CCNF: variants seen among roughly 807,000 people sequenced by gnomAD.
The protein encoded by CCNF is cyclin-F.
Under a neutral mutation model 85.4 loss-of-function variants are expected in CCNF, and 30 were observed. The observed-to-expected ratio is 0.35, with a 90% CI of 0.26 to 0.48. The LOEUF (loss-of-function observed/expected upper bound fraction) is 0.48, where lower values mean the gene tolerates loss of function less well. Among genes scored for constraint, CCNF ranks in the 20% least tolerant of loss-of-function variants. The pLI, the probability that CCNF is intolerant of heterozygous loss-of-function variation, is 0.99. For synonymous variants in CCNF, 439 were observed against 425.1 expected (o/e 1.03, Z -0.40); for missense variants, 919 against 1,010.4 (o/e 0.91, Z 1.23).
chr16:2,444,602 CTTTTT>C (rs879408225), intron 9 of CCNF, among the ~76,000 whole-genome samples: 1 of 134,472 alleles, frequency 7.4e-6, no homozygotes, highest in Non-Finnish European at 1.6e-5. Flanking sequence ...GCCCAGCCAC[CTTTTT>C]TTTTTTTGAG....
In CCNF at chr16:2,456,643, G is replaced by A. The variant is rs200166258; in HGVS notation, c.1984G>A (p.Asp662Asn). ...CAGTGATGAGGAGGCTTGTCCAGAG[G>A]ACAAGGGACCCCAGGACCCACAGGC... ...ESSDEEACPE[D>N]KGPQDPQALA... The change falls in exon 17 of 17, where the codon GAC becomes AAC. Residue 662 changes from aspartate (D) to asparagine (N), a missense_variant. Physicochemically the swap from Asp to Asn is conservative, Grantham distance 23. Transcript: ENST00000397066. The surrounding 1 kb of genome is among the most constrained non-coding windows in gnomAD (Gnocchi z 4.5). 4 of 1,612,930 alleles carry A rather than the reference G, an allele frequency of 2.5e-6. No individual in the cohort carries two copies. The highest frequency in any genetic ancestry group is 1.7e-5 in the Admixed American group (1 of 59,892).
At position 2,452,967 on chromosome 16, in the gene CCNF, T is replaced by G; in HGVS notation, c.1488-243T>G. 1.8e-6 allele frequency: 1 copy of G among 570,962 alleles called. No individual in the cohort carries two copies. The highest frequency in any genetic ancestry group is 3.1e-6 in the Non-Finnish European group (1 of 318,422). The allele number at this position is 570,962 out of a possible 1,614,324, so 35.4% of individuals were successfully genotyped here. A position where few individuals can be genotyped will look rare whatever the true frequency, so the allele number is the denominator to read the frequency against. On this transcript the variant is annotated intron_variant, in intron 13 of 16. Transcript: ENST00000397066. The surrounding 1 kb of genome is among the most constrained non-coding windows in gnomAD (Gnocchi z 4.1). ...TGGACATTTTGCCTATTGTGAACAGTCCTGCCATGAACATTCTAGTACAGG... is the reference window on the plus strand; with the variant it reads ...TGGACATTTTGCCTATTGTGAACAGGCCTGCCATGAACATTCTAGTACAGG...
chr16:2,445,724 G>GTTTTTT, intron 10 of CCNF, 102 bp downstream of exon 10: 2 of 782,930 alleles, frequency 2.6e-6, no homozygotes, highest in Non-Finnish European at 3.5e-6. Context: ...GTTTTGTTTT[G>GTTTTTT]TGTTGTTTTT....
rs781744926 is a variant in CCNF at position 2,453,392 on chromosome 16, ACT to A, written c.1588-15_1588-14del. The A allele has an allele frequency of 3.1e-6, 5 of 1,613,672 alleles. No individual in the cohort carries two copies. In the East Asian group the frequency reaches 8.9e-5, roughly 29 times the overall value. ...ACCCTCGGGGCCTCTGCACCCCCTA[ACT>A]CTAGCTTCCCCTCAGGTGCTGAGCT... On this transcript the variant is annotated splice_polypyrimidine_tract_variant and intron_variant, in intron 14 of 16. Coordinates refer to ENST00000397066, the MANE Select transcript of CCNF (RefSeq NM_001761.3). The surrounding 1 kb of genome is among the most constrained non-coding windows in gnomAD (Gnocchi z 5.6).
intron 15 of CCNF, among the ~76,000 whole-genome samples, chr16:2,454,558 C>T (rs140822341): frequency 5.9e-5 from 9 of 152,220 alleles, no homozygotes; most frequent in East Asian, 1.9e-4. Flanking sequence ...CTCCACCCCC[C>T]GCCCTCCACC....
At chr16:2,435,541 C>T (rs1020306977) in intron 3 of CCNF, among the ~76,000 whole-genome samples, 1 of 151,196 alleles carries the variant, frequency 6.6e-6, no homozygotes, top group Non-Finnish European at 1.5e-5. Flanking sequence ...GCTGTGATCG[C>T]ACCACTGCAC....
chr16:2,452,447 A>C lies in CCNF; in HGVS notation c.1488-763A>C, dbSNP rs1187777116. The C allele has an allele frequency of 6.6e-6, 1 of 152,290 alleles. No individual in the cohort carries two copies. The highest frequency in any genetic ancestry group is 1.5e-5 in the Non-Finnish European group (1 of 68,104). 9.4% of individuals were successfully genotyped at this position (152,290 alleles called of 1,614,324 possible). ...CCACCCACCTTTGCTTATGGGGAGCACAGATCGTCCCAACCCTGGCCACCA... is the reference window on the plus strand; with the variant it reads ...CCACCCACCTTTGCTTATGGGGAGCCCAGATCGTCCCAACCCTGGCCACCA... On this transcript the variant is annotated intron_variant, in intron 13 of 16. Transcript: ENST00000397066. The surrounding 1 kb of genome is among the most constrained non-coding windows in gnomAD (Gnocchi z 4.1).
At chr16:2,437,399 C>G (rs2065297355) in intron 5 of CCNF, 77 bp downstream of exon 5, 1 of 1,137,230 alleles carries the variant, frequency 8.8e-7, no homozygotes, top group African/African-American at 1.6e-5. Flanking sequence ...GAGGGTAGAT[C>G]CTGGACCCTG....
At position 2,444,542 on chromosome 16, in the gene CCNF, C is replaced by T. The variant is rs564207647; in HGVS notation, c.929+742C>T. Among the ~76,000 whole-genome samples the T allele has an allele frequency of 4.6e-5, 7 of 151,716 alleles. No homozygotes were observed. In the East Asian group the frequency reaches 1.2e-3, roughly 25 times the overall value. Reference sequence around the variant, plus strand: ...GTCTCAATCTCCTGACCTCGTGATCCGCCTGCCTCCGCCTCCCAAAGTGCT... The same window carrying T: ...GTCTCAATCTCCTGACCTCGTGATCTGCCTGCCTCCGCCTCCCAAAGTGCT... On this transcript the variant is annotated intron_variant, in intron 9 of 16. Transcript: ENST00000397066.
chr16:2,446,435 G>A (rs1044815285), intron 10 of CCNF, among the ~76,000 whole-genome samples: 35 of 152,236 alleles, frequency 2.3e-4, no homozygotes, highest in Admixed American at 2.2e-3. Context: ...AGCAGCGTGC[G>A]TCCTTACACG....
chr16:2,442,291 G>A (rs2065327797), intron 8 of CCNF, among the ~76,000 whole-genome samples: 1 of 139,656 alleles, frequency 7.2e-6, no homozygotes, highest in Non-Finnish European at 1.5e-5. Flanking sequence ...ACAGGCTTGA[G>A]CCACCGCACC....
chr16:2,439,276 C>T (rs560472358), intron 6 of CCNF, 77 bp from the exon 7 acceptor site: 7 of 1,272,850 alleles, frequency 5.5e-6, no homozygotes, highest in African/African-American at 3.0e-5. Context: ...CCAACCTGGG[C>T]GACGAGTGAA....
chr16:2,448,946 G>A lies in CCNF; in HGVS notation c.1186G>A (p.Glu396Lys). ...KYEDLVRMMGEIVSALEGKIR... is the reference protein window; with the variant it reads ...KYEDLVRMMGKIVSALEGKIR... ...CGAGGACCTGGTGAGAATGATGGGC[G>A]AGATCGTCTCCGCCTTGGAAGGGAA... Residue 396 changes from glutamate (E) to lysine (K), a missense_variant, in exon 11 of 17, where the codon GAG (glutamate) becomes AAG (lysine). By Grantham distance (56) the Glu-to-Lys change is moderately conservative (BLOSUM62 1). Coordinates refer to ENST00000397066, the MANE Select transcript of CCNF (RefSeq NM_001761.3). 2 of 1,614,124 alleles carry A rather than the reference G, an allele frequency of 1.2e-6. No homozygotes were observed. Among genetic ancestry groups the A allele is most frequent in the Non-Finnish European group, 1.7e-6 (2 of 1,180,004 alleles).
At position 2,438,127 on chromosome 16, in the gene CCNF, A is replaced by C; in HGVS notation, c.594+4A>C. 1 of 1,600,888 alleles carries C rather than the reference A, an allele frequency of 6.2e-7. No individual in the cohort carries two copies. The highest frequency in any genetic ancestry group is 8.6e-7 in the Non-Finnish European group (1 of 1,167,980). On this transcript the variant is annotated splice_donor_region_variant and intron_variant, in intron 6 of 16. Transcript: ENST00000397066. ...CAGAGTGCTGAGTCTGTTCGAGGTGAGTCAAGTTGTTCTCTGCACTGGGAC... is the reference window on the plus strand; with the variant it reads ...CAGAGTGCTGAGTCTGTTCGAGGTGCGTCAAGTTGTTCTCTGCACTGGGAC...
chr16:2,431,462 T>G (rs2065262144), intron 2 of CCNF, among the ~76,000 whole-genome samples, 178 bp downstream of exon 2: 3 of 152,052 alleles, frequency 2.0e-5, no homozygotes, highest in Non-Finnish European at 4.4e-5. Context: ...GTGGATCACC[T>G]GAGGTCAGGA....
rs761227016 is a variant in CCNF at position 2,431,308 on chromosome 16, A to G, written c.171+24A>G. The stretch of plus-strand genomic sequence containing the variant: ...CTGTAAGTCCCTGCATGAAAACACT[A>G]TGAGCCCTAGCATTGTTGATTATAC... On this transcript the variant is annotated intron_variant, in intron 2 of 16. Transcript: ENST00000397066. The G allele has an allele frequency of 1.2e-5, 19 of 1,611,816 alleles. 1 individual carries two copies. In the South Asian group the frequency reaches 1.9e-4, roughly 16 times the overall value.
At chr16:2,431,062 T>C (rs1555496705) in intron 1 of CCNF, 68 bp from the exon 2 acceptor site, 3 of 1,488,528 alleles carry the variant, frequency 2.0e-6, no homozygotes, top group Non-Finnish European at 2.8e-6. Context: ...CCTTTTTTTT[T>C]CCCTTCAAGG....
Position 2,429,493 on chromosome 16 carries a change from C to A in CCNF, c.12C>A (p.Gly4=), listed in dbSNP as rs1189027555. 2.4e-6 allele frequency: 3 copies of A among 1,231,560 alleles called. No individual in the cohort carries two copies. Among genetic ancestry groups the A allele is most frequent in the Non-Finnish European group, 3.0e-6 (3 of 987,798 alleles). 76.3% of individuals were successfully genotyped at this position (1,231,560 alleles called of 1,614,324 possible). A position where few individuals can be genotyped will look rare whatever the true frequency, so the allele number is the denominator to read the frequency against. Residue 4 remains glycine, a synonymous_variant, in exon 1 of 17, where the codon GGC becomes GGA. Transcript: ENST00000397066. The part of the protein sequence containing the change: MGS[G]GVVHCRCAKC... Reference sequence around the variant, plus strand: ...ACGCGAGCGCGGCGATGGGGAGCGGCGGCGGTGAGTGCGGGGCGATGTCCG... The same window carrying A: ...ACGCGAGCGCGGCGATGGGGAGCGGAGGCGGTGAGTGCGGGGCGATGTCCG...
chr16:2,432,073 G>A (rs981525043), intron 2 of CCNF, among the ~76,000 whole-genome samples: 3 of 151,930 alleles, frequency 2.0e-5, no homozygotes, highest in East Asian at 1.9e-4. Flanking sequence ...CTCGTGATCC[G>A]CCCGCCTCGG....
Sources: gnomAD v4.1 joint callset for allele counts (sites outside exome capture counted in the v4.1 genomes callset) on GRCh38, gnomAD v4.1.1 for gene constraint, Gnocchi (gnomAD v3.1) non-coding constraint, MANE v1.5 for transcripts, NCBI Gene and HGNC (gene_info 2026-07-23, HGNC 2026-07-21) for gene names.